The following HHLA1 variants were observed in gnomAD, a reference collection of about 807,000 sequenced individuals.
HHLA1 encodes the protein HHLA1 neighbor of OC90.
A neutral mutation model predicts 69.9 loss-of-function variants in HHLA1; 72 were observed. The observed-to-expected ratio is 1.03, with a 90% CI of 0.85 to 1.25. The LOEUF (loss-of-function observed/expected upper bound fraction) is 1.25, where lower values mean the gene tolerates loss of function less well. Among genes scored for constraint, HHLA1 ranks in the 50% most tolerant of loss-of-function variants. The pLI, the probability that HHLA1 is intolerant of heterozygous loss-of-function variation, is 0.00. For missense variants in HHLA1, 685 were observed against 642.2 expected (o/e 1.07, Z -0.72); for synonymous variants, 252 against 233.2 (o/e 1.08, Z -0.73).
chr8:132,101,325 A>G lies in HHLA1; in HGVS notation c.140-1191T>C, dbSNP rs150620389. 10 of 1,531,506 alleles carry G rather than the reference A, an allele frequency of 6.5e-6. No homozygotes were observed. In the African/African-American group the frequency reaches 1.4e-4, roughly 21 times the overall value. 94.9% of individuals were successfully genotyped at this position (1,531,506 alleles called of 1,614,324 possible). A position where few individuals can be genotyped will look rare whatever the true frequency, so the allele number is the denominator to read the frequency against. Reference sequence around the variant, plus strand: ...ATAGTAACCTGAAAGTACAGCCTCAAACAGTTCATAACATCCTTAGAAATC... The same window carrying G: ...ATAGTAACCTGAAAGTACAGCCTCAGACAGTTCATAACATCCTTAGAAATC... On this transcript the variant is annotated intron_variant, in intron 3 of 16. Transcript: ENST00000414222.
In HHLA1 at chr8:132,076,516, G is replaced by A. The variant is rs779941185; in HGVS notation, c.1199C>T (p.Pro400Leu). The A allele has an allele frequency of 1.0e-4, 157 of 1,539,514 alleles. No individual in the cohort carries two copies. The highest frequency in any genetic ancestry group is 1.1e-4 in the Non-Finnish European group (129 of 1,142,054). Residue 400 changes from proline to leucine, a missense_variant, in exon 13 of 17, where the codon CCG becomes CTG. By Grantham distance (98) the Pro-to-Leu change is moderately conservative. Transcript: ENST00000414222. The stretch of plus-strand genomic sequence containing the variant: ...GGGGGCTGTTGCCTTGGTTGGACTC[G>A]GAGTCTGTGTGCCATGGGTGAATGC... ...LGAFTHGTQTPSPTKATAPRY... is the reference protein window; with the variant it reads ...LGAFTHGTQTLSPTKATAPRY...
chr8:132,095,919 AAAGT>A (rs1824019662), intron 5 of HHLA1, 133 bp from the exon 6 acceptor site: 2 of 573,796 alleles, frequency 3.5e-6, no homozygotes, highest in Non-Finnish European at 6.0e-6. Context: ...AACAAACAAA[AAAGT>A]AATACAAATA....
chr8:132,091,584 G>T (rs1823946242), intron 7 of HHLA1, among the ~76,000 whole-genome samples: 1 of 152,146 alleles, frequency 6.6e-6, no homozygotes, highest in African/African-American at 2.4e-5. Context: ...TTAACTCAAA[G>T]ATATTCTTTG....
At chr8:132,072,144 C>T (rs1006248480) in intron 14 of HHLA1, among the ~76,000 whole-genome samples, 7 of 152,186 alleles carry the variant, frequency 4.6e-5, no homozygotes, top group East Asian at 1.9e-4. Context: ...ATTATGTTTC[C>T]GTGAACCAGA....
intron 7 of HHLA1, among the ~76,000 whole-genome samples, chr8:132,092,832 T>C (rs1056525813): frequency 5.3e-5 from 8 of 152,166 alleles, no homozygotes; most frequent in Non-Finnish European, 1.2e-4. Context: ...TCATTGTAGC[T>C]GGAGTGTGAA....
intron 10 of HHLA1, among the ~76,000 whole-genome samples, chr8:132,081,482 C>T (rs1050203312): frequency 5.9e-5 from 9 of 152,034 alleles, no homozygotes; most frequent in African/African-American, 9.7e-5. Context: ...GACGGAGGAC[C>T]GTAAGGGATA....
intron 10 of HHLA1, among the ~76,000 whole-genome samples, chr8:132,081,726 C>A (rs924355486): frequency 2.0e-5 from 3 of 152,136 alleles, no homozygotes; most frequent in South Asian, 2.1e-4. Flanking sequence ...TGACTCAGGG[C>A]ATGTTGAGTA....
chr8:132,074,126 C>T (rs756705076), intron 14 of HHLA1, among the ~76,000 whole-genome samples: 2 of 152,214 alleles, frequency 1.3e-5, no homozygotes, highest in Non-Finnish European at 2.9e-5. Context: ...ACTTTCAGCA[C>T]CTTCAACATC....
At chr8:132,083,465 TA>T (rs1171860528) in intron 10 of HHLA1, among the ~76,000 whole-genome samples, 2 of 152,076 alleles carry the variant, frequency 1.3e-5, no homozygotes, top group African/African-American at 4.8e-5. Flanking sequence ...CGTGATGGTC[TA>T]GGGGGCTTCC....
chr8:132,069,210 T>C (rs965240411), intron 15 of HHLA1, among the ~76,000 whole-genome samples: 3 of 152,152 alleles, frequency 2.0e-5, no homozygotes, highest in African/African-American at 7.2e-5. Context: ...AGATGCTATT[T>C]CTTTTGCCTG....
intron 8 of HHLA1, among the ~76,000 whole-genome samples, chr8:132,088,377 A>G (rs12677995): frequency 0.92 from 140,677 of 152,268 alleles, 65,149 homozygotes; most frequent in Middle Eastern, 0.96. Flanking sequence ...TGAACGTTTT[A>G]CCAAATTACT....
intron 7 of HHLA1, among the ~76,000 whole-genome samples, chr8:132,094,745 C>T (rs10956633): frequency 0.88 from 134,047 of 152,166 alleles, 59,678 homozygotes; most frequent in Middle Eastern, 0.95. Context: ...TTATTTACTC[C>T]CTGCTCCCCG....
At chr8:132,098,851 G>C (rs552806411) in intron 5 of HHLA1, 31 bp downstream of exon 5, 7 of 1,430,162 alleles carry the variant, frequency 4.9e-6, no homozygotes, top group Non-Finnish European at 5.8e-6. Flanking sequence ...AAAAAAAATG[G>C]ACCTGGATTG....
chr8:132,075,941 G>A, intron 14 of HHLA1, 114 bp downstream of exon 14: 1 of 740,696 alleles, frequency 1.4e-6, no homozygotes, highest in Non-Finnish European at 2.2e-6. Context: ...GCTAAGATTT[G>A]AATCCCATGA....
At chr8:132,084,602 T>C (rs1222636434) in intron 10 of HHLA1, among the ~76,000 whole-genome samples, 1 of 152,138 alleles carries the variant, frequency 6.6e-6, no homozygotes, top group Non-Finnish European at 1.5e-5. Context: ...CAAGCGGCAT[T>C]GCAGAAGAAA....
At chr8:132,100,325 G>A (rs1336769199) in intron 3 of HHLA1, among the ~76,000 whole-genome samples, 191 bp from the exon 4 acceptor site, 8 of 152,152 alleles carry the variant, frequency 5.3e-5, no homozygotes, top group Admixed American at 4.6e-4. Context: ...TGGGGTGGCT[G>A]TGGCCTAGAA....
chr8:132,093,526 C>T (rs770261921), intron 7 of HHLA1, among the ~76,000 whole-genome samples: 21 of 152,186 alleles, frequency 1.4e-4, no homozygotes, highest in Non-Finnish European at 2.6e-4. Context: ...TGTTGGCCTA[C>T]GTGTACAGCC....
chr8:132,105,104 G>A (rs1483030871), intron 2 of HHLA1, 83 bp downstream of exon 2: 5 of 991,638 alleles, frequency 5.0e-6, no homozygotes, highest in African/African-American at 1.6e-5. Flanking sequence ...CAGAAATGTT[G>A]GCTGCTGAGG....
intron 4 of HHLA1, 143 bp downstream of exon 4, chr8:132,099,932 C>A (rs547050976): frequency 6.3e-6 from 4 of 635,322 alleles, no homozygotes; most frequent in African/African-American, 3.7e-5. Context: ...CAAACATTGT[C>A]TTCTTCAACT....
Sources: allele counts gnomAD v4.1 joint callset (sites outside exome capture counted in the v4.1 genomes callset), GRCh38; gene constraint gnomAD v4.1.1; transcripts MANE v1.5; gene names NCBI Gene and HGNC (gene_info 2026-07-23, HGNC 2026-07-21).